The following FOXN3 variants were observed in gnomAD, a reference collection of about 807,000 sequenced individuals.
FOXN3 encodes the protein forkhead box protein N3.
Under a neutral mutation model 38.4 loss-of-function variants are expected in FOXN3, and 7 were observed. The observed-to-expected ratio is 0.18, with a 90% CI of 0.10 to 0.34. FOXN3 has a LOEUF of 0.34. Among genes scored for constraint, FOXN3 ranks in the 10% least tolerant of loss-of-function variants. The pLI, the probability that FOXN3 is intolerant of heterozygous loss-of-function variation, is 1.00. For missense variants in FOXN3, 456 were observed against 613.4 expected (o/e 0.74, Z 2.71); for synonymous variants, 230 against 242.2 (o/e 0.95, Z 0.47).
In FOXN3 at chr14:89,231,012, T is replaced by C. The variant is rs147264357; in HGVS notation, c.745+49938A>G. 4.4e-4 allele frequency: 154 copies of C among 352,392 alleles called. 1 individual carries two copies. The highest frequency in any genetic ancestry group is 3.0e-3 in the African/African-American group (143 of 47,370). The allele number at this position is 352,392 out of a possible 1,614,324, so 21.8% of individuals were successfully genotyped here. A position where few individuals can be genotyped will look rare whatever the true frequency, so the allele number is the denominator to read the frequency against. On this transcript the variant is annotated intron_variant, in intron 4 of 5. Coordinates refer to ENST00000557258, the MANE Select transcript of FOXN3 (RefSeq NM_005197.4). The stretch of plus-strand genomic sequence containing the variant: ...CTGCGGGAACATCAGGACTTGAGGT[T>C]GATGATAATGATAACATCCCACCCA...
At chr14:89,285,686 G>A (rs759152685) in intron 3 of FOXN3, among the ~76,000 whole-genome samples, 7 of 152,074 alleles carry the variant, frequency 4.6e-5, no homozygotes, top group African/African-American at 2.4e-5. Flanking sequence ...ATGGAATGAC[G>A]GTTGCTAGAG....
chr14:89,166,280 G>A (rs1286726000), intron 5 of FOXN3, among the ~76,000 whole-genome samples: 1 of 152,152 alleles, frequency 6.6e-6, no homozygotes, highest in Admixed American at 6.5e-5. Context: ...GCATTAAAGA[G>A]GGGGATCCAA....
At chr14:89,433,249 C>T (rs187509045) in intron 1 of FOXN3, among the ~76,000 whole-genome samples, 118 of 151,990 alleles carry the variant, frequency 7.8e-4, no homozygotes, top group African/African-American at 2.7e-3. Flanking sequence ...TTTGGGAGGC[C>T]AAGGTGGGCA....
intron 2 of FOXN3, among the ~76,000 whole-genome samples, chr14:89,402,458 G>A (rs1458139709): frequency 6.6e-6 from 1 of 152,170 alleles, no homozygotes; most frequent in African/African-American, 2.4e-5. Flanking sequence ...AGACCTTTGT[G>A]ACAGAAAGTT....
chr14:89,575,018 A>T (rs1257057138), intron 1 of FOXN3, among the ~76,000 whole-genome samples: 1 of 152,240 alleles, frequency 6.6e-6, no homozygotes, highest in Non-Finnish European at 1.5e-5. Context: ...AAGCTGAAGC[A>T]GATGAGATCA....
At chr14:89,192,821 A>T (rs141233039) in intron 4 of FOXN3, among the ~76,000 whole-genome samples, 2,155 of 147,406 alleles carry the variant, frequency 0.015, 55 homozygotes, top group African/African-American at 0.05. Flanking sequence ...GATATAGAAA[A>T]ATATATATAT....
chr14:89,516,181 C>T (rs896135740), intron 1 of FOXN3, among the ~76,000 whole-genome samples: 10 of 152,118 alleles, frequency 6.6e-5, no homozygotes, highest in East Asian at 3.8e-4. Flanking sequence ...TTTATTTGTG[C>T]GCAGATACTA....
chr14:89,494,760 T>C (rs561322582), intron 1 of FOXN3, among the ~76,000 whole-genome samples: 3 of 152,338 alleles, frequency 2.0e-5, no homozygotes, highest in African/African-American at 7.2e-5. Flanking sequence ...CCCAATAGTT[T>C]TAATTAGGCA....
intron 1 of FOXN3, among the ~76,000 whole-genome samples, chr14:89,506,947 C>G (rs961981538): frequency 6.6e-6 from 1 of 151,992 alleles, no homozygotes; most frequent in Non-Finnish European, 1.5e-5. Context: ...TAAGAGTCAT[C>G]GCCACTCCCT....
At chr14:89,370,689 G>A (rs897065363) in intron 2 of FOXN3, among the ~76,000 whole-genome samples, 3 of 152,208 alleles carry the variant, frequency 2.0e-5, no homozygotes, top group African/African-American at 7.2e-5. Context: ...AAATGAATGA[G>A]AGAAAGCTAG....
intron 1 of FOXN3, among the ~76,000 whole-genome samples, chr14:89,588,484 C>A (rs1182538210): frequency 1.3e-5 from 2 of 152,166 alleles, no homozygotes; most frequent in Non-Finnish European, 2.9e-5. Context: ...CAACCATCAA[C>A]ACCGCCCGAT....
chr14:89,558,381 G>A (rs1016818432), intron 1 of FOXN3, among the ~76,000 whole-genome samples: 2 of 152,184 alleles, frequency 1.3e-5, no homozygotes, highest in African/African-American at 4.8e-5. Flanking sequence ...GACATCGAAG[G>A]TGACAGGCAG....
At chr14:89,340,482 C>T (rs1200684225) in intron 3 of FOXN3, among the ~76,000 whole-genome samples, 1 of 152,132 alleles carries the variant, frequency 6.6e-6, no homozygotes, top group African/African-American at 2.4e-5. Context: ...ATGCTTCCCA[C>T]GCTCTTTCCG....
chr14:89,585,218 T>C (rs941317502), intron 1 of FOXN3, among the ~76,000 whole-genome samples: 5 of 152,176 alleles, frequency 3.3e-5, no homozygotes, highest in African/African-American at 4.8e-5. Flanking sequence ...TCTTCACCTA[T>C]ATTTTTGCCA....
At chr14:89,202,297 G>A (rs772608670) in intron 4 of FOXN3, among the ~76,000 whole-genome samples, 1 of 152,220 alleles carries the variant, frequency 6.6e-6, no homozygotes, top group Non-Finnish European at 1.5e-5. Context: ...TCATTATAGA[G>A]ACACAGGACG....
At chr14:89,421,106 T>C (rs1250920944), upstream of FOXN3, among the ~76,000 whole-genome samples, 1 of 151,802 alleles carries the variant, frequency 6.6e-6, no homozygotes. Flanking sequence ...ACTTCTTTTT[T>C]GTGTGCTTCT....
At chr14:89,480,654 A>AC (rs1893307858) in intron 1 of FOXN3, among the ~76,000 whole-genome samples, 1 of 152,152 alleles carries the variant, frequency 6.6e-6, no homozygotes, top group South Asian at 2.1e-4. Flanking sequence ...CTACACCATT[A>AC]CTTTGTACAA....
intron 1 of FOXN3, among the ~76,000 whole-genome samples, chr14:89,570,404 A>G (rs939665181): frequency 2.6e-5 from 4 of 152,142 alleles, no homozygotes; most frequent in African/African-American, 9.7e-5. Context: ...GCTCCACCCA[A>G]GCAGTGTGGA....
At chr14:89,218,037 GA>G (rs970302320) in intron 4 of FOXN3, among the ~76,000 whole-genome samples, 35 of 152,166 alleles carry the variant, frequency 2.3e-4, no homozygotes, top group African/African-American at 8.4e-4. Context: ...AATCTTTTTT[GA>G]AAAACACATA....
Sources: gnomAD v4.1 joint callset for allele counts (sites outside exome capture counted in the v4.1 genomes callset) on GRCh38, gnomAD v4.1.1 for gene constraint, MANE v1.5 for transcripts, NCBI Gene and HGNC (gene_info 2026-07-23, HGNC 2026-07-21) for gene names.